The following AKT1S1 variants were observed in gnomAD, a reference collection of about 807,000 sequenced individuals.
AKT1S1 encodes the protein proline-rich AKT1 substrate 1.
AKT1S1 carries 17 observed loss-of-function variants against 21.2 expected under a neutral mutation model. The ratio of observed to expected loss-of-function variants is 0.80; its 90% confidence interval spans 0.55 to 1.20. The LOEUF (loss-of-function observed/expected upper bound fraction) is 1.20. AKT1S1 is among the 50% of genes most tolerant of loss of function. The pLI is 0.00. For missense variants in AKT1S1, 366 were observed against 368.3 expected (o/e 0.99, Z 0.05); for synonymous variants, 181 against 165.6 (o/e 1.09, Z -0.72).
Position 49,873,251 on chromosome 19 carries a change from C to G in AKT1S1, c.45G>C (p.Gly15=), listed in dbSNP as rs1256649066. ...RPEELWEAVV[G]AAERFRARTG... is the part of the protein sequence containing the mutation. ...TCCGGGCCCGGAAGCGCTCAGCGGC[C>G]CCCACCACGGCCTCCCACAGCTCCT... Residue 15 remains glycine, a synonymous_variant, in exon 2 of 5, where the codon GGG becomes GGC. Coordinates refer to ENST00000344175, the MANE Select transcript of AKT1S1 (RefSeq NM_001098633.4). This position sits in a 1 kb window ranked among gnomAD's most constrained non-coding sequence, Gnocchi z 6.9. 8 of 1,535,462 alleles carry G rather than the reference C, an allele frequency of 5.2e-6. No homozygotes were observed. The highest frequency in any genetic ancestry group is 6.9e-6 in the Non-Finnish European group (8 of 1,151,368).
At chr19:49,871,758 T>C in intron 3 of AKT1S1, 42 bp from the exon 4 acceptor site, 4 of 1,611,050 alleles carry the variant, frequency 2.5e-6, no homozygotes, top group Non-Finnish European at 3.4e-6. Flanking sequence ...CCTGCCTTTG[T>C]GTCGGCCGTG....
rs988086820 is a variant in AKT1S1 at position 49,873,841 on chromosome 19, T to C, written c.-7-539A>G. ...AAAAAGGAATTTCATCTGCTTTTTT[T>C]ACTCTTTTAACATGGTGTCTAGAAA... On this transcript the variant is annotated intron_variant, in intron 1 of 4. Coordinates refer to ENST00000344175, the MANE Select transcript of AKT1S1 (RefSeq NM_001098633.4). This position sits in a 1 kb window ranked among gnomAD's most constrained non-coding sequence, Gnocchi z 6.9. 2.6e-5 allele frequency: 4 copies of C among 152,626 alleles called. No individual in the cohort carries two copies. The highest frequency in any genetic ancestry group is 9.7e-5 in the African/African-American group (4 of 41,338). 9.5% of individuals were successfully genotyped at this position (152,626 alleles called of 1,614,324 possible). A position where few individuals can be genotyped will look rare whatever the true frequency, so the allele number is the denominator to read the frequency against.
At chr19:49,876,835 GC>G in intron 1 of AKT1S1, 1 of 611,998 alleles carries the variant, frequency 1.6e-6, no homozygotes, top group Non-Finnish European at 2.5e-6. Context: ...ATTTCCATTT[GC>G]CCCCAACAAT....
In AKT1S1 at chr19:49,869,995, C is replaced by A; in HGVS notation, c.693G>T (p.Glu231Asp). ...SMRALVLREA[E>D]DTQVFGDLPR... ...GCAGGTCCCCGAAGACCTGGGTGTC[C>A]TCGGCCTCTCGCAGCACCAGCGCGC... Residue 231 changes from glutamate to aspartate, a missense_variant, in exon 5 of 5, where the codon GAG (glutamate) becomes GAT (aspartate). Coordinates refer to ENST00000344175, the MANE Select transcript of AKT1S1 (RefSeq NM_001098633.4). 6.5e-7 allele frequency: 1 copy of A among 1,546,726 alleles called. No homozygotes were observed.
At chr19:49,875,088 T>C (rs1016368825) in intron 1 of AKT1S1, 1 of 152,162 alleles carries the variant, frequency 6.6e-6, no homozygotes, top group Non-Finnish European at 1.5e-5. Context: ...TCACCTACAC[T>C]ATGAGACAGG....
chr19:49,873,279 G>A lies in AKT1S1; in HGVS notation c.17C>T (p.Pro6Leu), dbSNP rs1468057570. 2.6e-6 allele frequency: 4 copies of A among 1,517,262 alleles called. No individual in the cohort carries two copies. Among genetic ancestry groups the A allele is most frequent in the Non-Finnish European group, 3.5e-6 (4 of 1,142,640 alleles). The allele number at this position is 1,517,262 out of a possible 1,614,324, so 94.0% of individuals were successfully genotyped here. A position where few individuals can be genotyped will look rare whatever the true frequency, so the allele number is the denominator to read the frequency against. MASGR[P>L]EELWEAVVGA... ...CACCACGGCCTCCCACAGCTCCTCG[G>A]GGCGCCCCGACGCCATCCGCGCCCT... is the stretch of plus-strand genomic sequence containing the variant. Residue 6 changes from proline to leucine, a missense_variant, in exon 2 of 5, where the codon CCC becomes CTC. Transcript: ENST00000344175. This position sits in a 1 kb window ranked among gnomAD's most constrained non-coding sequence, Gnocchi z 6.9.
At chr19:49,878,330 G>T, upstream of AKT1S1, 1 of 1,365,092 alleles carries the variant, frequency 7.3e-7, no homozygotes, top group Non-Finnish European at 1.0e-6. Context: ...AGTTTGGTCT[G>T]GCGGTCAGCA....
At position 49,871,624 on chromosome 19, in the gene AKT1S1, G is replaced by A. The variant is rs370530847; in HGVS notation, c.550C>T (p.Leu184=). The change falls in exon 4 of 5, where the codon CTG becomes TTG. Residue 184 remains leucine (L), a synonymous_variant. Coordinates refer to ENST00000344175, the MANE Select transcript of AKT1S1 (RefSeq NM_001098633.4). ...CCCCAGACGGGCACAGACACAGGCA[G>A]GGACTTGGCGTACTGCTGTGTGGGT... ...ALPTQQYAKS[L]PVSVPVWGFK... 4.3e-6 allele frequency: 7 copies of A among 1,614,008 alleles called. No homozygotes were observed. In the African/African-American group the frequency reaches 8.0e-5, roughly 18 times the overall value.
intron 1 of AKT1S1, chr19:49,876,016 A>G (rs1419750740): frequency 1.0e-6 from 1 of 985,318 alleles, no homozygotes; most frequent in African/African-American, 1.7e-5. Context: ...GGGGAGCACG[A>G]TGTGGCTGTC....
At chr19:49,878,257 G>A, upstream of AKT1S1, 2 of 1,552,556 alleles carry the variant, frequency 1.3e-6, no homozygotes, top group Non-Finnish European at 8.7e-7. Flanking sequence ...CTGGGAGGGA[G>A]CAGGGCTCGG....
At chr19:49,876,215 G>A (rs555994925) in intron 1 of AKT1S1, 22 of 1,041,100 alleles carry the variant, frequency 2.1e-5, no homozygotes, top group East Asian at 7.2e-5. Context: ...CGGGGTCCAG[G>A]GAGGACCCAC....
intron 1 of AKT1S1, chr19:49,876,256 C>A: frequency 8.9e-7 from 1 of 1,127,620 alleles, no homozygotes; most frequent in Non-Finnish European, 1.1e-6. Flanking sequence ...AAATCCCGCC[C>A]AGACGGAGGC....
rs2074861105 is a variant in AKT1S1, at chr19:49,869,771, G to T, written c.*146C>A. On this transcript the variant is annotated 3_prime_UTR_variant, in exon 5 of 5. Coordinates refer to ENST00000344175, the MANE Select transcript of AKT1S1 (RefSeq NM_001098633.4). Reference sequence around the variant, plus strand: ...GGTCGTGGGCTGGAAGGACGGCGGGGATTGGCAGAGGCGGGACAATCTTGG... The same window carrying T: ...GGTCGTGGGCTGGAAGGACGGCGGGTATTGGCAGAGGCGGGACAATCTTGG... The T allele has an allele frequency of 2.0e-6, 2 of 976,936 alleles. No individual in the cohort carries two copies. Among genetic ancestry groups the T allele is most frequent in the Non-Finnish European group, 2.8e-6 (2 of 714,842 alleles). The allele number at this position is 976,936 out of a possible 1,614,324, so 60.5% of individuals were successfully genotyped here. A position where few individuals can be genotyped will look rare whatever the true frequency, so the allele number is the denominator to read the frequency against.
chr19:49,873,338 T>G lies in AKT1S1; in HGVS notation c.-7-36A>C. 1 of 1,408,762 alleles carries G rather than the reference T, an allele frequency of 7.1e-7. No individual in the cohort carries two copies. Among genetic ancestry groups the G allele is most frequent in the South Asian group, 1.5e-5 (1 of 66,864 alleles). 87.3% of individuals were successfully genotyped at this position (1,408,762 alleles called of 1,614,324 possible). On this transcript the variant is annotated intron_variant, in intron 1 of 4. Coordinates refer to ENST00000344175, the MANE Select transcript of AKT1S1 (RefSeq NM_001098633.4). The surrounding 1 kb of genome is among the most constrained non-coding windows in gnomAD (Gnocchi z 6.9). ...GAGCAGGACAGAGGGGGCTGAGGCTTGGCGGCCTACATCATCGCCACCCAC... is the reference window on the plus strand; with the variant it reads ...GAGCAGGACAGAGGGGGCTGAGGCTGGGCGGCCTACATCATCGCCACCCAC...
upstream of AKT1S1, chr19:49,877,479 A>G: frequency 2.0e-6 from 1 of 511,304 alleles, no homozygotes; most frequent in South Asian, 2.6e-5. Flanking sequence ...GAGAGGGCGA[A>G]CACTGCGCCT....
intron 3 of AKT1S1, 45 bp from the exon 4 acceptor site, chr19:49,871,761 C>CG: frequency 6.2e-7 from 1 of 1,610,708 alleles, no homozygotes; most frequent in Non-Finnish European, 8.5e-7. Flanking sequence ...GCCTTTGTGT[C>CG]GGCCGTGTGC....
chr19:49,877,236 C>A lies in AKT1S1; in HGVS notation c.-8+1G>T, dbSNP rs187080238. Reference sequence around the variant, plus strand: ...CTCTTGTGGTGTACAGCTCCTCTCACCTCCTCTTCTCTTATCCGTTCGGCT... The same window carrying A: ...CTCTTGTGGTGTACAGCTCCTCTCAACTCCTCTTCTCTTATCCGTTCGGCT... On this transcript the variant is annotated splice_donor_variant, in intron 1 of 4. Coordinates refer to ENST00000344175, the MANE Select transcript of AKT1S1 (RefSeq NM_001098633.4). LOFTEE classifies it low-confidence loss of function (5UTR_SPLICE). 3.0e-4 allele frequency: 49 copies of A among 165,794 alleles called. No individual in the cohort carries two copies. The highest frequency in any genetic ancestry group is 8.9e-4 in the East Asian group (5 of 5,644). The allele number at this position is 165,794 out of a possible 1,614,324, so 10.3% of individuals were successfully genotyped here. A position where few individuals can be genotyped will look rare whatever the true frequency, so the allele number is the denominator to read the frequency against.
rs1449528850 is a variant in AKT1S1 at position 49,869,821 on chromosome 19, TC to T, written c.*95del. The T allele has an allele frequency of 2.4e-6, 3 of 1,261,708 alleles. No individual in the cohort carries two copies. Among genetic ancestry groups the T allele is most frequent in the Non-Finnish European group, 3.1e-6 (3 of 972,282 alleles). The allele number at this position is 1,261,708 out of a possible 1,614,324, so 78.2% of individuals were successfully genotyped here. ...GGAATGGGAGACGCAAGGAGGCCGG[TC>T]CCGGATCGGCCTCAGATTAGCAGGC... is the stretch of plus-strand genomic sequence containing the variant. On this transcript the variant is annotated 3_prime_UTR_variant, in exon 5 of 5. Transcript: ENST00000344175.
At position 49,873,444 on chromosome 19, in the gene AKT1S1, A is replaced by C; in HGVS notation, c.-7-142T>G. 1 of 1,323,120 alleles carries C rather than the reference A, an allele frequency of 7.6e-7. No individual in the cohort carries two copies. The highest frequency in any genetic ancestry group is 9.7e-7 in the Non-Finnish European group (1 of 1,031,560). The allele number at this position is 1,323,120 out of a possible 1,614,324, so 82.0% of individuals were successfully genotyped here. On this transcript the variant is annotated intron_variant, in intron 1 of 4. Transcript: ENST00000344175. The surrounding 1 kb of genome is among the most constrained non-coding windows in gnomAD (Gnocchi z 6.9). ...CCAGCGGTGCTGTGTGTCCTCCCCA[A>C]ACCTGCTACTCCCCAGGATTCTCAC... is the stretch of plus-strand genomic sequence containing the variant.
Sources: allele counts gnomAD v4.1 joint callset, GRCh38; gene constraint gnomAD v4.1.1; non-coding constraint Gnocchi (gnomAD v3.1); transcripts MANE v1.5; gene names NCBI Gene and HGNC (gene_info 2026-07-23, HGNC 2026-07-21).